Variants in SRGAP1 observed in about 807,000 individuals in gnomAD.
SRGAP1 encodes SLIT-ROBO Rho GTPase-activating protein 1.
Under a neutral mutation model 121.9 loss-of-function variants are expected in SRGAP1, and 43 were observed. The ratio of observed to expected loss-of-function variants is 0.35; its 90% CI spans 0.28 to 0.46. The LOEUF is 0.46. SRGAP1 is among the 20% of genes least tolerant of loss of function. The pLI, the probability that SRGAP1 is intolerant of heterozygous loss-of-function variation, is 1.00. For missense variants in SRGAP1, 1,102 were observed against 1,350.9 expected, an observed-to-expected ratio of 0.82 and a Z score of 2.89; for synonymous variants, 447 against 485.4, an observed-to-expected ratio of 0.92 and a Z score of 1.04.
intron 1 of SRGAP1, among the ~76,000 whole-genome samples, chr12:63,943,848 T>C (rs993893837): frequency 6.6e-6 from 1 of 152,144 alleles, no homozygotes; most frequent in African/African-American, 2.4e-5. Flanking sequence ...TATGAAACCA[T>C]AGGGAGAAAG....
chr12:63,852,633 C>T (rs941017436), intron 1 of SRGAP1, among the ~76,000 whole-genome samples: 1 of 152,186 alleles, frequency 6.6e-6, no homozygotes, highest in Non-Finnish European at 1.5e-5. Context: ...TTTAAATTGT[C>T]TCTACCTCTG....
chr12:64,131,787 A>AT (rs1268232363), intron 21 of SRGAP1, among the ~76,000 whole-genome samples: 1 of 152,182 alleles, frequency 6.6e-6, no homozygotes, highest in Non-Finnish European at 1.5e-5. Context: ...CCCAGTTCAT[A>AT]ATAGGCAGTT....
chr12:63,920,839 T>C lies in SRGAP1; in HGVS notation c.68-63108T>C, dbSNP rs566895480. ...GTGAATAACAGAGAATGTAGATCCA[T>C]TGACGAAATGGGAAAGACCTTGAAA... On this transcript the variant is annotated intron_variant, in intron 1 of 21. Transcript: ENST00000355086. Among the ~76,000 whole-genome samples the C allele has an allele frequency of 8.1e-4, 123 of 152,248 alleles. No homozygotes were observed. The Middle Eastern group carries it at 0.014, about 17-fold the overall frequency.
chr12:64,136,805 C>T (rs1324640777), intron 21 of SRGAP1, among the ~76,000 whole-genome samples: 3 of 152,138 alleles, frequency 2.0e-5, no homozygotes, highest in African/African-American at 4.8e-5. Flanking sequence ...TTTACTATAG[C>T]TGAATTTAAT....
chr12:64,158,401 A>G lies in SRGAP1; in HGVS notation c.*15729A>G, dbSNP rs930933022. ...TAAGACCCAATTGCTTTTGAAGGAG[A>G]TTCATCTAGAAAAACCAGGGATTCA... On this transcript the variant is annotated 3_prime_UTR_variant, in exon 22 of 22. Coordinates refer to ENST00000355086, the MANE Select transcript of SRGAP1 (RefSeq NM_020762.4). 3 of 152,208 alleles carry G rather than the reference A, an allele frequency of 2.0e-5. No homozygotes were observed. The highest frequency in any genetic ancestry group is 7.2e-5 in the African/African-American group (3 of 41,450). 9.4% of individuals were successfully genotyped at this position (152,208 alleles called of 1,614,324 possible).
intron 10 of SRGAP1, 96 bp from the exon 11 acceptor site, chr12:64,086,903 C>G: frequency 1.2e-6 from 1 of 855,192 alleles, no homozygotes. Context: ...ATTACAAACT[C>G]AGTGTTTTAA....
chr12:63,853,983 ATG>A (rs1899157972), intron 1 of SRGAP1, among the ~76,000 whole-genome samples: 1 of 152,216 alleles, frequency 6.6e-6, no homozygotes, highest in South Asian at 2.1e-4. Flanking sequence ...CTTAGTTGGC[ATG>A]TGTGTTTGGG....
chr12:63,943,868 G>A (rs1339892087), intron 1 of SRGAP1, among the ~76,000 whole-genome samples: 1 of 152,068 alleles, frequency 6.6e-6, no homozygotes, highest in African/African-American at 2.4e-5. Flanking sequence ...GCCTATGAAA[G>A]GTATGAGATG....
intron 1 of SRGAP1, among the ~76,000 whole-genome samples, chr12:63,938,343 G>C (rs530257500): frequency 4.6e-5 from 7 of 152,304 alleles, no homozygotes; most frequent in Non-Finnish European, 7.4e-5. Context: ...TGGAAGAGCA[G>C]ATGCCGCCCT....
chr12:64,052,007 G>A (rs2136519865), intron 6 of SRGAP1, among the ~76,000 whole-genome samples: 1 of 152,226 alleles, frequency 6.6e-6, no homozygotes, highest in South Asian at 2.1e-4. Context: ...TCTTGATCAA[G>A]TCCAAGTTAA....
chr12:63,968,459 G>A (rs980446170), intron 1 of SRGAP1, among the ~76,000 whole-genome samples: 5 of 152,160 alleles, frequency 3.3e-5, no homozygotes, highest in Non-Finnish European at 7.3e-5. Flanking sequence ...GGAGGTTGGT[G>A]GCTAGATGAA....
chr12:64,132,760 G>A (rs2036804602), intron 21 of SRGAP1, among the ~76,000 whole-genome samples: 4 of 152,246 alleles, frequency 2.6e-5, no homozygotes, highest in African/African-American at 4.8e-5. Context: ...ATGGACCAGT[G>A]TAATATCTTG....
chr12:64,082,656 G>T (rs2035868887), intron 10 of SRGAP1, among the ~76,000 whole-genome samples: 1 of 152,038 alleles, frequency 6.6e-6, no homozygotes, highest in Non-Finnish European at 1.5e-5. Flanking sequence ...CACCATGTTG[G>T]CCAGGCTGGT....
chr12:64,024,138 A>G (rs751117452), intron 4 of SRGAP1, among the ~76,000 whole-genome samples: 7 of 152,210 alleles, frequency 4.6e-5, no homozygotes, highest in South Asian at 2.1e-4. Context: ...CGGCTTTCAT[A>G]TTAGGATATG....
intron 15 of SRGAP1, among the ~76,000 whole-genome samples, chr12:64,106,231 GTTT>G (rs2036343685): frequency 6.6e-6 from 1 of 152,094 alleles, no homozygotes; most frequent in Non-Finnish European, 1.5e-5. Flanking sequence ...AGCGGGAGAA[GTTT>G]TATTGTTGTC....
At chr12:63,996,786 G>T (rs554953506) in intron 3 of SRGAP1, among the ~76,000 whole-genome samples, 3 of 152,132 alleles carry the variant, frequency 2.0e-5, no homozygotes, top group African/African-American at 7.2e-5. Flanking sequence ...AATAAGAATA[G>T]TTCAAGCTAA....
At chr12:63,907,726 T>A (rs1452468401) in intron 1 of SRGAP1, among the ~76,000 whole-genome samples, 1 of 87,218 alleles carries the variant, frequency 1.1e-5, no homozygotes, top group Non-Finnish European at 2.2e-5. Flanking sequence ...AGTTTTAAAC[T>A]TTCATAAAGT....
At chr12:64,083,284 A>G (rs2035879596) in intron 10 of SRGAP1, among the ~76,000 whole-genome samples, 2 of 152,216 alleles carry the variant, frequency 1.3e-5, no homozygotes, top group Non-Finnish European at 2.9e-5. Context: ...TCTCTGAAGT[A>G]TACTAGACTC....
At position 64,142,593 on chromosome 12, in the gene SRGAP1, C is replaced by T. The variant is rs1214007464; in HGVS notation, c.3179C>T (p.Ala1060Val). The T allele has an allele frequency of 3.1e-6, 5 of 1,614,214 alleles. No individual in the cohort carries two copies. The highest frequency in any genetic ancestry group is 1.7e-5 in the Admixed American group (1 of 60,026). Residue 1060 changes from alanine (A) to valine (V), a missense_variant, in exon 22 of 22, where the codon GCT becomes GTT. Ala to Val is a moderately conservative substitution (Grantham distance 64). Around this residue, in one of 3 missense-constraint regions of SRGAP1, gnomAD observed 315 missense variants for 343.1 expected, o/e 0.92. Transcript: ENST00000355086. ...LKPPALRPKPAVLPKTNPTIG... is the reference protein window; with the variant it reads ...LKPPALRPKPVVLPKTNPTIG... ...CCTCCAGCCCTTAGGCCAAAACCTGCTGTTCTTCCAAAAACAAATCCTACC... is the reference window on the plus strand; with the variant it reads ...CCTCCAGCCCTTAGGCCAAAACCTGTTGTTCTTCCAAAAACAAATCCTACC...
Sources: gnomAD v4.1 joint callset for allele counts (sites outside exome capture counted in the v4.1 genomes callset) on GRCh38, gnomAD v4.1.1 for gene constraint, gnomAD v4.1.1 regional missense constraint, MANE v1.5 for transcripts, NCBI Gene and HGNC (gene_info 2026-07-23, HGNC 2026-07-21) for gene names.